Variants in PBX1 observed in about 807,000 individuals in gnomAD.
The protein encoded by PBX1 is PBX homeobox 1, also known as pre-B-cell leukemia transcription factor 1.
A neutral mutation model predicts 53.4 loss-of-function variants in PBX1; 6 were observed. The ratio of observed to expected loss-of-function variants is 0.11; its 90% CI spans 0.06 to 0.22. PBX1 has a LOEUF of 0.22. Among genes scored for constraint, PBX1 ranks in the 10% least tolerant of loss-of-function variants. PBX1 has a pLI of 1.00. For synonymous variants in PBX1, 204 were observed against 212.3 expected (o/e 0.96, Z 0.34); for missense variants, 251 against 551.4 (o/e 0.46, Z 5.46).
At chr1:164,728,249 C>T (rs568668970) in intron 2 of PBX1, among the ~76,000 whole-genome samples, 28 of 150,708 alleles carry the variant, frequency 1.9e-4, no homozygotes, top group South Asian at 2.1e-4. Context: ...CCTGGGAGAC[C>T]GAGGCTGCAA....
intron 2 of PBX1, among the ~76,000 whole-genome samples, chr1:164,613,222 G>A (rs939564961): frequency 1.3e-5 from 2 of 152,118 alleles, no homozygotes; most frequent in Admixed American, 6.5e-5. Flanking sequence ...TCCAATTTGT[G>A]AGCTATAGTG....
chr1:164,811,490 G>A (rs1669609492), intron 5 of PBX1, among the ~76,000 whole-genome samples: 1 of 152,142 alleles, frequency 6.6e-6, no homozygotes, highest in African/African-American at 2.4e-5. Context: ...GTGAAATACA[G>A]CTAAGAATCT....
rs555887232 is a variant in PBX1 at position 164,645,477 on chromosome 1, G to A, written c.265+82166G>A. 4.6e-5 allele frequency among the ~76,000 whole-genome samples: 7 copies of A among 152,026 alleles called. No homozygotes were observed. In the South Asian group the frequency reaches 1.2e-3, roughly 27 times the overall value. ...ATGGAATTCATTTCCTTGATGAATA[G>A]GGAATCTGAACAAACTCCATGGCTG... is the stretch of plus-strand genomic sequence containing the variant. On this transcript the variant is annotated intron_variant, in intron 2 of 8. Coordinates refer to ENST00000420696, the MANE Select transcript of PBX1 (RefSeq NM_002585.4).
At chr1:164,595,068 G>A (rs953160592) in intron 2 of PBX1, among the ~76,000 whole-genome samples, 2 of 152,194 alleles carry the variant, frequency 1.3e-5, no homozygotes, top group African/African-American at 4.8e-5. Context: ...GCCTGGGCTT[G>A]GAACTTAGAG....
intron 2 of PBX1, among the ~76,000 whole-genome samples, chr1:164,775,024 G>A (rs1667574928): frequency 6.6e-6 from 1 of 152,216 alleles, no homozygotes; most frequent in African/African-American, 2.4e-5. Flanking sequence ...TTGTTTATAT[G>A]TGGAATTATT....
At chr1:164,856,799 A>G (rs1571535713), downstream of PBX1, among the ~76,000 whole-genome samples, 1 of 152,170 alleles carries the variant, frequency 6.6e-6, no homozygotes, top group East Asian at 1.9e-4. Context: ...GTTCGCACCT[A>G]GTGAAGTCTT....
Position 164,792,600 on chromosome 1 carries a change from A to G in PBX1, c.372A>G (p.Gly124=). The G allele has an allele frequency of 6.2e-7, 1 of 1,613,644 alleles. No individual in the cohort carries two copies. The highest frequency in any genetic ancestry group is 8.5e-7 in the Non-Finnish European group (1 of 1,179,780). Residue 124 remains glycine (G), a synonymous_variant, in exon 3 of 9, where the codon GGA becomes GGG. Transcript: ENST00000420696. The part of the protein sequence containing the change: ...AEGVAGPEKG[G]GSAAAAAAAA... ...GCGTGGCGGGGCCTGAGAAGGGCGGAGGGTCGGCGGCAGCGGCGGCAGCGG... is the reference window on the plus strand; with the variant it reads ...GCGTGGCGGGGCCTGAGAAGGGCGGGGGGTCGGCGGCAGCGGCGGCAGCGG...
intron 2 of PBX1, chr1:164,640,989 G>A (rs1179422336): frequency 6.6e-6 from 1 of 152,616 alleles, no homozygotes; most frequent in Non-Finnish European, 1.5e-5. Flanking sequence ...AGCTTCTCCA[G>A]GATACTATCA....
At chr1:164,688,131 A>G (rs1003601053) in intron 2 of PBX1, among the ~76,000 whole-genome samples, 3 of 151,918 alleles carry the variant, frequency 2.0e-5, no homozygotes, top group Non-Finnish European at 4.4e-5. Context: ...CATGCATCTC[A>G]TGCTATCTTT....
intron 8 of PBX1, among the ~76,000 whole-genome samples, chr1:164,840,685 A>G (rs1671249280): frequency 1.3e-5 from 2 of 152,306 alleles, no homozygotes; most frequent in South Asian, 4.1e-4. Context: ...AAAACAAAAC[A>G]GTATAAATAT....
chr1:164,711,669 C>T (rs557485260), intron 2 of PBX1, among the ~76,000 whole-genome samples: 6 of 152,316 alleles, frequency 3.9e-5, no homozygotes, highest in South Asian at 2.1e-4. Flanking sequence ...ATTGGGAGAG[C>T]GGAGATTTTG....
At chr1:164,687,651 T>G (rs1332709882) in intron 2 of PBX1, among the ~76,000 whole-genome samples, 3 of 151,878 alleles carry the variant, frequency 2.0e-5, no homozygotes, top group African/African-American at 7.3e-5. Context: ...GCCCAGCTTA[T>G]GTGGCTACAG....
At chr1:164,858,270 A>C (rs1287559705) in intron 2 of PBX1, among the ~76,000 whole-genome samples, 1 of 152,238 alleles carries the variant, frequency 6.6e-6, no homozygotes, top group Non-Finnish European at 1.5e-5. Context: ...ATTCCTAGGG[A>C]CAAAGAGTCC....
intron 2 of PBX1, among the ~76,000 whole-genome samples, chr1:164,734,379 A>G (rs1006625310): frequency 1.5e-4 from 23 of 152,248 alleles, no homozygotes; most frequent in African/African-American, 5.5e-4. Flanking sequence ...TTAGTCAGCT[A>G]CAACCTATTA....
intron 2 of PBX1, among the ~76,000 whole-genome samples, chr1:164,747,844 G>A (rs988484892): frequency 6.6e-6 from 1 of 152,232 alleles, no homozygotes; most frequent in South Asian, 2.1e-4. Flanking sequence ...GGGCTAGACA[G>A]CTTTAGAATT....
At chr1:164,876,122 A>G (rs1672504649) in intron 2 of PBX1, among the ~76,000 whole-genome samples, 2 of 151,520 alleles carry the variant, frequency 1.3e-5, no homozygotes, top group South Asian at 2.1e-4. Context: ...TGAATATTCC[A>G]TTAGTGAGTA....
At chr1:164,630,180 A>G (rs1658320360) in intron 2 of PBX1, among the ~76,000 whole-genome samples, 1 of 152,182 alleles carries the variant, frequency 6.6e-6, no homozygotes, top group African/African-American at 2.4e-5. Context: ...ACTGGGCAAA[A>G]TAATTCAGAT....
chr1:164,867,299 G>T (rs1406554316), intron 2 of PBX1, among the ~76,000 whole-genome samples: 1 of 152,170 alleles, frequency 6.6e-6, no homozygotes, highest in African/African-American at 2.4e-5. Context: ...CACGGCAGTT[G>T]TTCCATCCAT....
intron 2 of PBX1, chr1:164,631,051 G>A (rs1658382069): frequency 6.6e-6 from 1 of 152,152 alleles, no homozygotes. Context: ...GTGTGGAGTG[G>A]GAGAATGGGA....
Sources: gnomAD v4.1 joint callset for allele counts (sites outside exome capture counted in the v4.1 genomes callset) on GRCh38, gnomAD v4.1.1 for gene constraint, MANE v1.5 for transcripts, NCBI Gene and HGNC (gene_info 2026-07-23, HGNC 2026-07-21) for gene names.